The following SPAG9 variants were observed in gnomAD, a reference collection of about 807,000 sequenced individuals.
The protein encoded by SPAG9 is sperm associated antigen 9, also known as C-Jun-amino-terminal kinase-interacting protein 4.
A neutral mutation model predicts 166.5 loss-of-function variants in SPAG9; 35 were observed. That is an observed-to-expected ratio of 0.21 (90% CI 0.16 to 0.28). The LOEUF is 0.28. Among genes scored for constraint, SPAG9 ranks in the 10% least tolerant of loss-of-function variants. The pLI, the probability that SPAG9 is intolerant of heterozygous loss-of-function variation, is 1.00. For synonymous variants in SPAG9, 534 were observed against 565.5 expected (o/e 0.94, Z 0.79); for missense variants, 1,235 against 1,603.3 (o/e 0.77, Z 3.92).
rs532620722 is a variant in SPAG9 at position 51,118,498 on chromosome 17, G to A, written c.303+1856C>T. On this transcript the variant is annotated intron_variant, in intron 1 of 29. Coordinates refer to ENST00000262013, the MANE Select transcript of SPAG9 (RefSeq NM_001130528.3). ...ACTGACAGGAGTTTAAGGCTGGAGG[G>A]AGCATTTATTTTACGTGAGGTAAAA... Among the ~76,000 whole-genome samples the A allele has an allele frequency of 3.9e-5, 6 of 152,262 alleles. No individual in the cohort carries two copies. The East Asian group carries it at 9.7e-4, about 25-fold the overall frequency.
intron 19 of SPAG9, among the ~76,000 whole-genome samples, chr17:50,991,103 C>T (rs547228167): frequency 6.6e-6 from 1 of 151,766 alleles, no homozygotes; most frequent in African/African-American, 2.4e-5. Context: ...GACAGGGTTT[C>T]GGTATGTTGG....
At chr17:51,095,827 GATATAGAGATATATAGTGAT>G (rs1479742590) in intron 1 of SPAG9, among the ~76,000 whole-genome samples, 52 of 85,112 alleles carry the variant, frequency 6.1e-4, no homozygotes, top group Middle Eastern at 5.4e-3. Context: ...TATAGGGAGA[GATATAGAGATATATAGTGAT>G]ATATATAGTG....
chr17:51,119,129 T>C (rs1389949156), intron 1 of SPAG9, among the ~76,000 whole-genome samples: 1 of 150,874 alleles, frequency 6.6e-6, no homozygotes, highest in East Asian at 1.9e-4. Flanking sequence ...AAATCATCAC[T>C]ACAGTCAAGC....
intron 8 of SPAG9, among the ~76,000 whole-genome samples, 173 bp downstream of exon 8, chr17:51,019,985 CA>C (rs1382411602): frequency 1.3e-5 from 2 of 152,146 alleles, no homozygotes; most frequent in Non-Finnish European, 2.9e-5. Flanking sequence ...TAACATTTAA[CA>C]AAAAATTTAA....
chr17:51,032,539 T>A (rs2046421372), intron 5 of SPAG9, among the ~76,000 whole-genome samples: 1 of 152,208 alleles, frequency 6.6e-6, no homozygotes, highest in Non-Finnish European at 1.5e-5. Flanking sequence ...ATGAGACGGA[T>A]GTGTTTCTCT....
intron 20 of SPAG9, chr17:50,990,204 CT>C (rs1975420333): frequency 3.9e-6 from 2 of 519,132 alleles, no homozygotes; most frequent in Non-Finnish European, 6.9e-6. Flanking sequence ...ATTTTTTGTA[CT>C]TTTTAGTACA....
intron 3 of SPAG9, among the ~76,000 whole-genome samples, chr17:51,052,388 A>G (rs2047205741): frequency 6.6e-6 from 1 of 152,190 alleles, no homozygotes; most frequent in Non-Finnish European, 1.5e-5. Context: ...CCACATTTCA[A>G]AGCAGCCCTA....
At chr17:51,038,006 T>C (rs2046687262) in intron 5 of SPAG9, among the ~76,000 whole-genome samples, 1 of 152,156 alleles carries the variant, frequency 6.6e-6, no homozygotes, top group Admixed American at 6.5e-5. Flanking sequence ...TGCTTTCTTC[T>C]TGAACTGATC....
chr17:51,072,682 T>A (rs961849555), intron 2 of SPAG9, among the ~76,000 whole-genome samples: 8 of 151,974 alleles, frequency 5.3e-5, no homozygotes. Flanking sequence ...AGACTCTGTC[T>A]CAAAAAATAA....
At chr17:50,972,269 A>C (rs1973881663) in intron 28 of SPAG9, among the ~76,000 whole-genome samples, 1 of 152,344 alleles carries the variant, frequency 6.6e-6, no homozygotes, top group Non-Finnish European at 1.5e-5. Context: ...CTTGAAAAGG[A>C]ATGTGCTTAT....
rs71355710 is a variant in SPAG9, at chr17:51,108,386, CAA to C, written c.303+11966_303+11967del. ...TAGGTGACAAAGCGAAAGACTGTCT[CAA>C]AAAAAAAAAAAAAAAATAGTTACTA... On this transcript the variant is annotated intron_variant, in intron 1 of 29. Transcript: ENST00000262013. 6.2e-3 allele frequency among the ~76,000 whole-genome samples: 741 copies of C among 119,248 alleles called. 1 individual carries two copies. Among genetic ancestry groups the C allele is most frequent in the African/African-American group, 0.019 (554 of 29,852 alleles). 78.2% of individuals were successfully genotyped at this position (119,248 alleles called of 152,430 possible). A position where few individuals can be genotyped will look rare whatever the true frequency, so the allele number is the denominator to read the frequency against.
chr17:50,989,764 G>A lies in SPAG9; in HGVS notation c.2726C>T (p.Ser909Phe). The A allele has an allele frequency of 6.2e-7, 1 of 1,614,152 alleles. No individual in the cohort carries two copies. The highest frequency in any genetic ancestry group is 8.5e-7 in the Non-Finnish European group (1 of 1,180,014). The part of the protein sequence containing the change: ...AGSAEDTVDI[S>F]QTGVYTEHVF... Reference sequence around the variant, plus strand: ...ATGCTCTGTGTAGACGCCAGTTTGGGAGATGTCCACTGTGTCTTCAGCTGA... The same window carrying A: ...ATGCTCTGTGTAGACGCCAGTTTGGAAGATGTCCACTGTGTCTTCAGCTGA... The change falls in exon 21 of 30, where the codon TCC (serine) becomes TTC (phenylalanine). Residue 909 changes from serine (S) to phenylalanine (F), a missense_variant. Ser to Phe is a radical substitution (Grantham distance 155). Around this residue, in one of 6 missense-constraint regions of SPAG9, gnomAD observed 493 missense variants for 559.4 expected, o/e 0.88. Coordinates refer to ENST00000262013, the MANE Select transcript of SPAG9 (RefSeq NM_001130528.3).
At chr17:51,100,916 G>A (rs985439608) in intron 1 of SPAG9, among the ~76,000 whole-genome samples, 39 of 150,584 alleles carry the variant, frequency 2.6e-4, no homozygotes, top group African/African-American at 8.5e-4. Context: ...GCAAAACTCC[G>A]TCTAAAAAAA....
chr17:51,010,580 A>ATAT (rs1466337402), intron 9 of SPAG9, among the ~76,000 whole-genome samples: 38 of 140,244 alleles, frequency 2.7e-4, no homozygotes, highest in African/African-American at 7.3e-4. Context: ...AAAAAAAAAA[A>ATAT]AAATATATAT....
chr17:50,998,308 G>A (rs1317597719), intron 15 of SPAG9, 136 bp downstream of exon 15: 4 of 733,752 alleles, frequency 5.5e-6, no homozygotes, highest in East Asian at 2.9e-5. Context: ...GGGATTACAG[G>A]TGTGAGCCAC....
intron 1 of SPAG9, among the ~76,000 whole-genome samples, chr17:51,099,639 G>A (rs774746621): frequency 7.3e-5 from 11 of 151,218 alleles, no homozygotes; most frequent in Non-Finnish European, 1.6e-4. Context: ...ACAGTTATGT[G>A]CTTCTGTAGG....
At chr17:51,046,958 C>A in intron 4 of SPAG9, 1 of 1,413,788 alleles carries the variant, frequency 7.1e-7, no homozygotes, top group Non-Finnish European at 9.3e-7. Flanking sequence ...GGCTACAATG[C>A]CTGAAGATCT....
chr17:51,067,235 T>C (rs929209361), intron 2 of SPAG9, among the ~76,000 whole-genome samples: 5 of 152,128 alleles, frequency 3.3e-5, no homozygotes, highest in Non-Finnish European at 1.5e-5. Context: ...TACAACAACA[T>C]ATCCAATGAA....
chr17:51,110,618 G>A (rs1344011855), intron 1 of SPAG9, among the ~76,000 whole-genome samples: 2 of 152,130 alleles, frequency 1.3e-5, no homozygotes, highest in African/African-American at 4.8e-5. Context: ...GAGCCCAAGA[G>A]GCAACAGTTG....
Sources: allele counts gnomAD v4.1 joint callset (sites outside exome capture counted in the v4.1 genomes callset), GRCh38; gene constraint gnomAD v4.1.1; regional missense constraint gnomAD v4.1.1; transcripts MANE v1.5; gene names NCBI Gene and HGNC (gene_info 2026-07-23, HGNC 2026-07-21).